Variants in WWOX observed in about 807,000 individuals in gnomAD.
The protein encoded by WWOX is WW domain-containing oxidoreductase.
WWOX carries 69 observed loss-of-function variants against 46.2 expected under a neutral mutation model. The observed-to-expected ratio is 1.49, with a 90% confidence interval of 1.23 to 1.82. WWOX has a LOEUF of 1.82. WWOX is among the 40% of genes most tolerant of loss of function. The pLI, the probability that WWOX is intolerant of heterozygous loss-of-function variation, is 0.00. For synonymous variants in WWOX, 359 were observed against 202.6 expected (o/e 1.77, Z -6.56); for missense variants, 919 against 542.6 (o/e 1.69, Z -6.89).
chr16:78,838,000 G>C lies in WWOX; in HGVS notation c.1057-373608G>C, dbSNP rs2052035724. On this transcript the variant is annotated intron_variant, in intron 8 of 8. Coordinates refer to ENST00000566780, the MANE Select transcript of WWOX (RefSeq NM_016373.4). ...TCCAAAGGTTTCTCCAAAGGTCTTTGCACCTCCCAAGGCTATTCTCATTTT... is the reference window on the plus strand; with the variant it reads ...TCCAAAGGTTTCTCCAAAGGTCTTTCCACCTCCCAAGGCTATTCTCATTTT... Among the ~76,000 whole-genome samples the C allele has an allele frequency of 5.3e-5, 8 of 152,250 alleles. No homozygotes were observed. The South Asian group carries it at 1.7e-3, about 32-fold the overall frequency.
At chr16:78,559,331 C>A (rs1353618346) in intron 8 of WWOX, among the ~76,000 whole-genome samples, 1 of 152,124 alleles carries the variant, frequency 6.6e-6, no homozygotes, top group Non-Finnish European at 1.5e-5. Flanking sequence ...CAGGTGGGCT[C>A]CTAGAATAGT....
chr16:79,097,003 G>C (rs918058205), intron 8 of WWOX, among the ~76,000 whole-genome samples: 8 of 152,222 alleles, frequency 5.3e-5, no homozygotes, highest in African/African-American at 1.7e-4. Flanking sequence ...CGTGGGTTTT[G>C]CAACTTTCTG....
At chr16:78,773,289 T>C (rs1364112383) in intron 8 of WWOX, among the ~76,000 whole-genome samples, 2 of 152,226 alleles carry the variant, frequency 1.3e-5, no homozygotes, top group Non-Finnish European at 2.9e-5. Context: ...CTACAACTTC[T>C]GGCTCTGGCT....
At position 78,238,967 on chromosome 16, in the gene WWOX, G is replaced by T. The variant is rs576825062; in HGVS notation, c.516+74678G>T. On this transcript the variant is annotated intron_variant, in intron 5 of 8. Coordinates refer to ENST00000566780, the MANE Select transcript of WWOX (RefSeq NM_016373.4). ...TGAAGGCATCGGCCCCCAAGGGTTT[G>T]ATGTGCTCTTGTCCCCAAGGCCTGC... Among the ~76,000 whole-genome samples the T allele has an allele frequency of 2.4e-4, 36 of 151,248 alleles. No individual in the cohort carries two copies. The South Asian group carries it at 4.0e-3, about 17-fold the overall frequency.
At chr16:78,387,778 A>G (rs2082091479) in intron 6 of WWOX, among the ~76,000 whole-genome samples, 1 of 152,050 alleles carries the variant, frequency 6.6e-6, no homozygotes, top group South Asian at 2.1e-4. Context: ...AAATAACTTC[A>G]TTTATTTTTT....
intron 8 of WWOX, among the ~76,000 whole-genome samples, chr16:79,190,481 C>T (rs916391948): frequency 6.6e-6 from 1 of 152,206 alleles, no homozygotes; most frequent in African/African-American, 2.4e-5. Context: ...CCTTACCCCG[C>T]TACAGAGAGG....
intron 8 of WWOX, among the ~76,000 whole-genome samples, chr16:78,522,143 TAA>T (rs76799048): frequency 7.3e-5 from 10 of 136,712 alleles, no homozygotes; most frequent in Non-Finnish European, 7.9e-5. Flanking sequence ...TGGAAGGCTT[TAA>T]AAAAAAAAAA....
chr16:79,010,560 G>A (rs540428614), intron 8 of WWOX, among the ~76,000 whole-genome samples: 1 of 152,238 alleles, frequency 6.6e-6, no homozygotes, highest in Non-Finnish European at 1.5e-5. Flanking sequence ...CAAAGAAACA[G>A]ACAATTCATG....
rs114454436 is a variant in WWOX at position 78,192,639 on chromosome 16, C to T, written c.516+28350C>T. ...TGTAATGTTACTGGTGTCTTCTTAC[C>T]GTTATTGTCTCACTGGTGACCGTTT... On this transcript the variant is annotated intron_variant, in intron 5 of 8. Transcript: ENST00000566780. 4.9e-3 allele frequency among the ~76,000 whole-genome samples: 750 copies of T among 152,186 alleles called. 7 individuals carry two copies. The highest frequency in any genetic ancestry group is 0.017 in the African/African-American group (709 of 41,518).
intron 5 of WWOX, among the ~76,000 whole-genome samples, chr16:78,239,184 C>T (rs114330864): frequency 0.016 from 2,448 of 152,312 alleles, 62 homozygotes; most frequent in African/African-American, 0.056. Flanking sequence ...CTGCATTTCT[C>T]CCACGGCTTC....
At chr16:78,915,728 G>A (rs7188703) in intron 8 of WWOX, among the ~76,000 whole-genome samples, 150,957 of 152,270 alleles carry the variant, frequency 0.99, 74,843 homozygotes, top group Middle Eastern at 1. Context: ...TTCTCATCCC[G>A]TCATCTGCCT....
In WWOX at chr16:78,682,833, A is replaced by T. The variant is rs138369635; in HGVS notation, c.1056+250081A>T. 5.3e-4 allele frequency among the ~76,000 whole-genome samples: 81 copies of T among 152,346 alleles called. 1 individual carries two copies. The East Asian group carries it at 7.3e-3, about 14-fold the overall frequency. On this transcript the variant is annotated intron_variant, in intron 8 of 8. Coordinates refer to ENST00000566780, the MANE Select transcript of WWOX (RefSeq NM_016373.4). ...AGCATGGGACAAAGGATAATGCCTT[A>T]ATGCCTGCTGCAAATAGAACAGTGG...
intron 8 of WWOX, among the ~76,000 whole-genome samples, chr16:78,766,317 C>G (rs1018918425): frequency 1.3e-5 from 2 of 152,162 alleles, no homozygotes; most frequent in Admixed American, 1.3e-4. Context: ...GCAGAGGAGA[C>G]CGGGCATGGT....
At chr16:78,836,229 C>T (rs560299288) in intron 8 of WWOX, among the ~76,000 whole-genome samples, 1 of 152,000 alleles carries the variant, frequency 6.6e-6, no homozygotes, top group East Asian at 1.9e-4. Context: ...ACTAATAGCA[C>T]ACTGAGGTAG....
rs2044833911 is a variant in WWOX at position 78,575,049 on chromosome 16, AT to A, written c.1056+142298del. On this transcript the variant is annotated intron_variant, in intron 8 of 8. Transcript: ENST00000566780. ...TATATATATATATATATATATATAT[AT>A]ATATATATATATATATATATATATA... 2.4e-3 allele frequency among the ~76,000 whole-genome samples: 27 copies of A among 11,088 alleles called. 2 individuals are homozygous for A. In the East Asian group the frequency reaches 0.03, roughly 12 times the overall value. 7.3% of individuals were successfully genotyped at this position (11,088 alleles called of 152,430 possible).
chr16:78,945,818 G>A (rs548209269), intron 8 of WWOX, among the ~76,000 whole-genome samples: 23 of 152,120 alleles, frequency 1.5e-4, no homozygotes, highest in African/African-American at 2.2e-4. Context: ...TCTTTAGTTC[G>A]TATGGGTTGA....
chr16:78,412,435 A>C (rs1262288972), intron 6 of WWOX, among the ~76,000 whole-genome samples: 2 of 152,206 alleles, frequency 1.3e-5, no homozygotes, highest in Non-Finnish European at 2.9e-5. Flanking sequence ...AAGGGTTTGA[A>C]GTCTTCATGG....
At chr16:78,302,431 A>C (rs779992129) in intron 5 of WWOX, among the ~76,000 whole-genome samples, 2 of 152,190 alleles carry the variant, frequency 1.3e-5, no homozygotes, top group African/African-American at 2.4e-5. Context: ...AGCCACAGCT[A>C]TAGGTTTTAT....
At chr16:78,378,299 A>G (rs1187500543) in intron 5 of WWOX, among the ~76,000 whole-genome samples, 1 of 152,134 alleles carries the variant, frequency 6.6e-6, no homozygotes, top group Non-Finnish European at 1.5e-5. Flanking sequence ...ATCCTATCAG[A>G]AAGAACATTT....
Sources: gnomAD v4.1 joint callset for allele counts (sites outside exome capture counted in the v4.1 genomes callset) on GRCh38, gnomAD v4.1.1 for gene constraint, MANE v1.5 for transcripts, NCBI Gene and HGNC (gene_info 2026-07-23, HGNC 2026-07-21) for gene names.